The following CHL1 variants were observed in gnomAD, a reference collection of about 807,000 sequenced individuals.
The protein encoded by CHL1 is neural cell adhesion molecule L1-like protein.
In CHL1, 96 loss-of-function variants were observed where a neutral mutation model predicts 141.9. The ratio of observed to expected loss-of-function variants is 0.68; its 90% CI spans 0.57 to 0.80. The LOEUF is 0.80. Among genes scored for constraint, CHL1 ranks in the 30% least tolerant of loss-of-function variants. CHL1 has a pLI of 0.00. For missense variants in CHL1, 1,820 were observed against 1,457.2 expected (o/e 1.25, Z -4.05); for synonymous variants, 613 against 502.2 (o/e 1.22, Z -2.95).
chr3:278,472 G>C (rs745557176), intron 2 of CHL1, among the ~76,000 whole-genome samples: 16 of 152,172 alleles, frequency 1.1e-4, no homozygotes, highest in Non-Finnish European at 2.4e-4. Context: ...CCAGTGGTAT[G>C]TCACACACTA....
chr3:238,835 A>G (rs1207778482), intron 1 of CHL1, among the ~76,000 whole-genome samples: 1 of 151,948 alleles, frequency 6.6e-6, no homozygotes, highest in Non-Finnish European at 1.5e-5. Flanking sequence ...CAGGAGGCTG[A>G]GGCAGGAGAA....
intron 1 of CHL1, among the ~76,000 whole-genome samples, chr3:241,724 G>A (rs192837728): frequency 3.0e-4 from 46 of 151,744 alleles, no homozygotes; most frequent in African/African-American, 7.5e-4. Flanking sequence ...ATGTTGTTTC[G>A]CCTTAAATTA....
chr3:282,466 A>G (rs458481), intron 2 of CHL1, among the ~76,000 whole-genome samples: 25,474 of 152,166 alleles, frequency 0.17, 2,916 homozygotes, highest in East Asian at 0.43. Flanking sequence ...ATTGAGGTTA[A>G]CATCTAGTGT....
chr3:228,934 A>G (rs190757702), intron 1 of CHL1, among the ~76,000 whole-genome samples: 7 of 152,336 alleles, frequency 4.6e-5, no homozygotes, highest in African/African-American at 1.7e-4. Flanking sequence ...AAGGAAAAAA[A>G]AACTGATTTA....
At chr3:367,590 A>G (rs1189724336) in intron 15 of CHL1, among the ~76,000 whole-genome samples, 1 of 152,108 alleles carries the variant, frequency 6.6e-6, no homozygotes, top group Non-Finnish European at 1.5e-5. Flanking sequence ...TGCACAGTCC[A>G]TTTTTGCTTT....
chr3:242,148 A>C (rs574224071), intron 1 of CHL1, among the ~76,000 whole-genome samples: 120 of 152,304 alleles, frequency 7.9e-4, no homozygotes, highest in Non-Finnish European at 1.5e-3. Context: ...ATGTTTAAAA[A>C]TGAGATGAAA....
intron 2 of CHL1, among the ~76,000 whole-genome samples, chr3:265,344 A>G (rs1695062072): frequency 6.6e-6 from 1 of 152,250 alleles, no homozygotes; most frequent in East Asian, 1.9e-4. Context: ...CTTAGAGTGC[A>G]CAGACTAAAT....
intron 9 of CHL1, among the ~76,000 whole-genome samples, chr3:345,954 C>A (rs770443400): frequency 6.6e-6 from 1 of 152,172 alleles, no homozygotes; most frequent in African/African-American, 2.4e-5. Flanking sequence ...TCCGAACTTA[C>A]GGTCCTTCCC....
intron 27 of CHL1, 101 bp downstream of exon 27, chr3:401,799 T>A: frequency 1.5e-6 from 1 of 665,822 alleles, no homozygotes; most frequent in Non-Finnish European, 2.5e-6. Context: ...GTTACATAAC[T>A]ACAATGTAAT....
chr3:242,365 G>GGC (rs1559324751), intron 1 of CHL1, among the ~76,000 whole-genome samples: 6 of 145,820 alleles, frequency 4.1e-5, no homozygotes, highest in African/African-American at 1.5e-4. Flanking sequence ...GGGAGGCTGA[G>GGC]GGGGGCAGAT....
chr3:325,504 T>C (rs1239906625), intron 3 of CHL1, among the ~76,000 whole-genome samples: 1 of 152,018 alleles, frequency 6.6e-6, no homozygotes, highest in Non-Finnish European at 1.5e-5. Flanking sequence ...TTATTAAAAA[T>C]TATAGCATAT....
rs772816210 is a variant in CHL1 at position 363,215 on chromosome 3, A to T, written c.1419-2A>T. On this transcript the variant is annotated splice_acceptor_variant, in intron 13 of 27. Coordinates refer to ENST00000256509, the MANE Select transcript of CHL1 (RefSeq NM_006614.4). LOFTEE classifies it high-confidence loss of function. Reference sequence around the variant, plus strand: ...ATGGATGTACGCTTTCTTTGTCCATAGGCAGAAGGTGGAAGAAGTGAAACC... The same window carrying T: ...ATGGATGTACGCTTTCTTTGTCCATTGGCAGAAGGTGGAAGAAGTGAAACC... 3.1e-6 allele frequency: 5 copies of T among 1,605,710 alleles called. No homozygotes were observed.
chr3:288,965 T>A (rs1392627455), intron 2 of CHL1, among the ~76,000 whole-genome samples: 3 of 152,236 alleles, frequency 2.0e-5, no homozygotes, highest in African/African-American at 7.2e-5. Flanking sequence ...TTTTTTGTTT[T>A]TATTTCCCGA....
At chr3:344,005 A>G (rs1319922788) in intron 8 of CHL1, among the ~76,000 whole-genome samples, 1 of 152,198 alleles carries the variant, frequency 6.6e-6, no homozygotes, top group Non-Finnish European at 1.5e-5. Flanking sequence ...AAGAAATGGG[A>G]CACTTCAATA....
chr3:253,100 A>C (rs933143615), intron 2 of CHL1, among the ~76,000 whole-genome samples: 5 of 152,114 alleles, frequency 3.3e-5, no homozygotes, highest in African/African-American at 1.2e-4. Flanking sequence ...ATGAGCCTTA[A>C]TTTCTCATCA....
chr3:360,154 G>T, intron 11 of CHL1, 130 bp from the exon 12 acceptor site: 1 of 895,896 alleles, frequency 1.1e-6, no homozygotes, highest in South Asian at 2.0e-5. Context: ...TAAAGAATTG[G>T]CTTCAATGAA....
At chr3:277,578 C>T (rs1696258872) in intron 2 of CHL1, among the ~76,000 whole-genome samples, 1 of 152,114 alleles carries the variant, frequency 6.6e-6, no homozygotes, top group Non-Finnish European at 1.5e-5. Context: ...ACTATACTCA[C>T]TGTACTTGGG....
intron 1 of CHL1, among the ~76,000 whole-genome samples, chr3:205,492 C>A (rs1461296812): frequency 1.3e-5 from 2 of 152,048 alleles, no homozygotes; most frequent in Non-Finnish European, 2.9e-5. Context: ...CTAGAGTCAC[C>A]GTATAAACTG....
intron 5 of CHL1, among the ~76,000 whole-genome samples, chr3:328,739 T>C (rs1247984390): frequency 1.3e-5 from 2 of 152,172 alleles, no homozygotes; most frequent in East Asian, 3.9e-4. Context: ...CTGGCAACTC[T>C]TTCATGCAGC....
Sources: gnomAD v4.1 joint callset for allele counts (sites outside exome capture counted in the v4.1 genomes callset) on GRCh38, gnomAD v4.1.1 for gene constraint, MANE v1.5 for transcripts, NCBI Gene and HGNC (gene_info 2026-07-23, HGNC 2026-07-21) for gene names.